CSMD1: variants seen among roughly 807,000 people sequenced by gnomAD.
The protein encoded by CSMD1 is CUB and Sushi multiple domains 1.
CSMD1 carries 213 observed loss-of-function variants against 417.5 expected under a neutral mutation model. The observed-to-expected ratio is 0.51, with a 90% CI of 0.46 to 0.57. The LOEUF is 0.57. Among genes scored for constraint, CSMD1 ranks in the 20% least tolerant of loss-of-function variants. The pLI is 0.00. For missense variants in CSMD1, 6,923 were observed against 4,529.7 expected (o/e 1.53, Z -15.17); for synonymous variants, 2,862 against 1,736.8 (o/e 1.65, Z -16.11).
At chr8:4,383,976 C>G (rs1160536910) in intron 3 of CSMD1, among the ~76,000 whole-genome samples, 1 of 152,160 alleles carries the variant, frequency 6.6e-6, no homozygotes. Context: ...CAACAGCATA[C>G]CCTTTAAGTA....
intron 1 of CSMD1, among the ~76,000 whole-genome samples, chr8:4,843,177 A>C (rs1042950255): frequency 1.3e-5 from 2 of 152,160 alleles, no homozygotes; most frequent in Admixed American, 6.5e-5. Flanking sequence ...GGGCAGGAAC[A>C]TTCCAAACCA....
chr8:4,443,354 G>A (rs190507219), intron 2 of CSMD1, among the ~76,000 whole-genome samples: 1 of 152,242 alleles, frequency 6.6e-6, no homozygotes, highest in African/African-American at 2.4e-5. Context: ...ATACACACTG[G>A]TCTTTGAAAC....
chr8:4,307,562 C>G lies in CSMD1; in HGVS notation c.415+112391G>C, dbSNP rs141668168. On this transcript the variant is annotated intron_variant, in intron 3 of 69. Coordinates refer to ENST00000635120, the MANE Select transcript of CSMD1 (RefSeq NM_033225.6). ...AATAGCATATTTTAAAATGTTGCCT[C>G]TGCTTATCTGTGTTTACAGAGTCCA... 4.3e-3 allele frequency among the ~76,000 whole-genome samples: 649 copies of G among 152,304 alleles called. 4 individuals are homozygous for G. The highest frequency in any genetic ancestry group is 8.6e-3 in the African/African-American group (357 of 41,564).
intron 5 of CSMD1, among the ~76,000 whole-genome samples, chr8:3,970,543 C>T (rs1813007830): frequency 6.6e-6 from 1 of 152,168 alleles, no homozygotes; most frequent in African/African-American, 2.4e-5. Flanking sequence ...GACCCTGAAG[C>T]CAGATCTTAG....
intron 10 of CSMD1, among the ~76,000 whole-genome samples, chr8:3,542,633 T>C (rs1458850029): frequency 2.0e-5 from 3 of 152,120 alleles, no homozygotes; most frequent in African/African-American, 4.8e-5. Context: ...TGGAGATACA[T>C]AGGAGGTAAC....
At chr8:4,931,097 A>T (rs1321546980) in intron 1 of CSMD1, among the ~76,000 whole-genome samples, 1 of 152,236 alleles carries the variant, frequency 6.6e-6, no homozygotes, top group African/African-American at 2.4e-5. Flanking sequence ...AATTATATAG[A>T]TATCTTCATT....
chr8:4,355,192 G>A (rs552894322), intron 3 of CSMD1, among the ~76,000 whole-genome samples: 2 of 151,908 alleles, frequency 1.3e-5, no homozygotes, highest in East Asian at 3.9e-4. Flanking sequence ...AACCTGGGAG[G>A]CGGAGCTTGC....
chr8:3,434,974 C>T (rs1042755195), intron 12 of CSMD1, among the ~76,000 whole-genome samples: 9 of 152,170 alleles, frequency 5.9e-5, no homozygotes, highest in Non-Finnish European at 1.2e-4. Flanking sequence ...ATCCATTTAT[C>T]CCCCCAGGGA....
In CSMD1 at chr8:3,944,078, T is replaced by C. The variant is rs116798896; in HGVS notation, c.818+53825A>G. 6.3e-3 allele frequency among the ~76,000 whole-genome samples: 959 copies of C among 152,194 alleles called. 15 individuals carry two copies. Among genetic ancestry groups the C allele is most frequent in the African/African-American group, 0.022 (931 of 41,538 alleles). On this transcript the variant is annotated intron_variant, in intron 5 of 69. Coordinates refer to ENST00000635120, the MANE Select transcript of CSMD1 (RefSeq NM_033225.6). ...TTGCTCTCAACTATTTCAAGAAAAA[T>C]ATACAGTGAGAAAGAATAAAGCAAA... is the stretch of plus-strand genomic sequence containing the variant.
intron 5 of CSMD1, among the ~76,000 whole-genome samples, chr8:3,900,252 C>A (rs1167941856): frequency 6.7e-6 from 1 of 148,218 alleles, no homozygotes; most frequent in African/African-American, 2.5e-5. Context: ...GGTAACAGGG[C>A]AGCTGGGTGA....
intron 5 of CSMD1, among the ~76,000 whole-genome samples, chr8:3,797,898 G>T (rs936497351): frequency 3.3e-5 from 5 of 151,944 alleles, no homozygotes; most frequent in Non-Finnish European, 5.9e-5. Flanking sequence ...AAGTTGTTAC[G>T]CATCCCTGTC....
intron 3 of CSMD1, among the ~76,000 whole-genome samples, chr8:4,364,129 T>A (rs1025531774): frequency 1.3e-5 from 2 of 152,220 alleles, no homozygotes; most frequent in African/African-American, 4.8e-5. Flanking sequence ...ATGCATTGCA[T>A]GCCTGTATCA....
At chr8:3,681,120 A>G (rs1250657655) in intron 7 of CSMD1, among the ~76,000 whole-genome samples, 1 of 152,346 alleles carries the variant, frequency 6.6e-6, no homozygotes, top group East Asian at 1.9e-4. Context: ...TCCCTTTGAA[A>G]ACTGGCACAA....
At chr8:3,390,997 A>C (rs1811312167) in intron 17 of CSMD1, among the ~76,000 whole-genome samples, 1 of 152,170 alleles carries the variant, frequency 6.6e-6, no homozygotes, top group Non-Finnish European at 1.5e-5. Context: ...ACTGATATTG[A>C]AACCTGAGCC....
chr8:3,709,562 C>G (rs1257538869), intron 6 of CSMD1, among the ~76,000 whole-genome samples: 2 of 151,904 alleles, frequency 1.3e-5, no homozygotes, highest in African/African-American at 4.8e-5. Context: ...AGATGGCTCT[C>G]CCCAGTGTGG....
At chr8:3,992,922 G>C (rs569482949) in intron 5 of CSMD1, among the ~76,000 whole-genome samples, 12 of 152,236 alleles carry the variant, frequency 7.9e-5, no homozygotes, top group African/African-American at 2.9e-4. Flanking sequence ...ACAAAAGATT[G>C]AATTGTTAAC....
At chr8:3,043,613 T>A (rs1391835805) in intron 50 of CSMD1, 1 of 152,130 alleles carries the variant, frequency 6.6e-6, no homozygotes, top group Non-Finnish European at 1.5e-5. Context: ...CTAGTAGTAG[T>A]TTTAGCTAAA....
chr8:3,803,111 T>A (rs1203098357), intron 5 of CSMD1, among the ~76,000 whole-genome samples: 2 of 152,206 alleles, frequency 1.3e-5, no homozygotes, highest in Non-Finnish European at 2.9e-5. Flanking sequence ...GTTCTCTCCA[T>A]CATGCTGTCT....
At chr8:3,555,551 G>A (rs1161631758) in intron 10 of CSMD1, among the ~76,000 whole-genome samples, 4 of 152,236 alleles carry the variant, frequency 2.6e-5, no homozygotes, top group Admixed American at 1.3e-4. Flanking sequence ...GAACTTAAAC[G>A]CTTGCTTCAC....
Sources: gnomAD v4.1 joint callset for allele counts (sites outside exome capture counted in the v4.1 genomes callset) on GRCh38, gnomAD v4.1.1 for gene constraint, MANE v1.5 for transcripts, NCBI Gene and HGNC (gene_info 2026-07-23, HGNC 2026-07-21) for gene names.